ANKRD6: variants seen among roughly 807,000 people sequenced by gnomAD.
The protein encoded by ANKRD6 is ankyrin repeat domain 6, also known as ankyrin repeat domain-containing protein 6.
Under a neutral mutation model 82.3 loss-of-function variants are expected in ANKRD6, and 56 were observed. The ratio of observed to expected loss-of-function variants is 0.68; its 90% CI spans 0.55 to 0.85. The LOEUF (loss-of-function observed/expected upper bound fraction) is 0.85. ANKRD6 is among the 40% of genes least tolerant of loss of function. The pLI is 0.00. For missense variants in ANKRD6, 852 were observed against 907.6 expected (o/e 0.94, Z 0.79); for synonymous variants, 347 against 352.1 (o/e 0.99, Z 0.16).
At chr6:89,548,515 A>G (rs1394885815) in intron 1 of ANKRD6, among the ~76,000 whole-genome samples, 2 of 152,346 alleles carry the variant, frequency 1.3e-5, no homozygotes, top group African/African-American at 4.8e-5. Context: ...TTGTGTGGTC[A>G]TATGTGTTCT....
chr6:89,455,753 T>C (rs1458271814), intron 1 of ANKRD6, among the ~76,000 whole-genome samples: 1 of 152,082 alleles, frequency 6.6e-6, no homozygotes, highest in Non-Finnish European at 1.5e-5. Context: ...GCTATAATTG[T>C]AAGTTTCCTG....
chr6:89,598,293 G>A (rs1796339939), intron 3 of ANKRD6: 1 of 985,180 alleles, frequency 1.0e-6, no homozygotes, highest in African/African-American at 1.7e-5. Flanking sequence ...ATTGGTCAAT[G>A]AGCAATCACA....
intron 3 of ANKRD6, chr6:89,601,763 G>A (rs979403843): frequency 6.6e-6 from 1 of 152,074 alleles, no homozygotes; most frequent in African/African-American, 2.4e-5. Context: ...CAGATTACAT[G>A]TTTTTAATGT....
chr6:89,459,669 T>G (rs1773893857), intron 1 of ANKRD6, among the ~76,000 whole-genome samples: 1 of 152,128 alleles, frequency 6.6e-6, no homozygotes, highest in Non-Finnish European at 1.5e-5. Context: ...GCTCAGCTAA[T>G]TTTAAAAAAT....
intron 1 of ANKRD6, among the ~76,000 whole-genome samples, chr6:89,435,231 TAG>T (rs981038292): frequency 2.6e-5 from 4 of 152,124 alleles, no homozygotes; most frequent in Non-Finnish European, 5.9e-5. Flanking sequence ...GTATAAACCT[TAG>T]AGTGCAATGT....
At chr6:89,524,598 A>G (rs991546593) in intron 1 of ANKRD6, among the ~76,000 whole-genome samples, 2 of 152,192 alleles carry the variant, frequency 1.3e-5, no homozygotes, top group Admixed American at 1.3e-4. Context: ...AATGTGGTGT[A>G]TATACCACAT....
intron 1 of ANKRD6, among the ~76,000 whole-genome samples, chr6:89,440,046 G>A (rs1166128522): frequency 6.6e-6 from 1 of 152,060 alleles, no homozygotes; most frequent in Non-Finnish European, 1.5e-5. Context: ...TGCTCATATT[G>A]GTGTAGTGAA....
At chr6:89,480,225 A>C (rs1297606161) in intron 1 of ANKRD6, among the ~76,000 whole-genome samples, 2 of 152,272 alleles carry the variant, frequency 1.3e-5, no homozygotes, top group Admixed American at 1.3e-4. Context: ...CAAGTGAGCT[A>C]TTTCTGTTCT....
At position 89,573,803 on chromosome 6, in the gene ANKRD6, G is replaced by A. The variant is rs116095225; in HGVS notation, c.120+6707G>A. On this transcript the variant is annotated intron_variant, in intron 2 of 15. Coordinates refer to ENST00000339746, the MANE Select transcript of ANKRD6 (RefSeq NM_001242809.2). Reference sequence around the variant, plus strand: ...GCTGTTGGGAAAGTCAGCTTATAGTGTTCCTTGCAACTGTCTTCTGAAAGG... The same window carrying A: ...GCTGTTGGGAAAGTCAGCTTATAGTATTCCTTGCAACTGTCTTCTGAAAGG... Among the ~76,000 whole-genome samples the A allele has an allele frequency of 2.6e-3, 398 of 152,242 alleles. 6 individuals are homozygous for A. The highest frequency in any genetic ancestry group is 9.1e-3 in the African/African-American group (380 of 41,552).
intron 1 of ANKRD6, among the ~76,000 whole-genome samples, chr6:89,451,813 C>G (rs1190804021): frequency 1.3e-5 from 2 of 152,174 alleles, no homozygotes; most frequent in Non-Finnish European, 2.9e-5. Flanking sequence ...TCCAGGACTT[C>G]TGTGGTTTCT....
intron 1 of ANKRD6, among the ~76,000 whole-genome samples, chr6:89,517,734 A>T (rs180850238): frequency 7.9e-5 from 12 of 152,332 alleles, no homozygotes; most frequent in African/African-American, 2.9e-4. Context: ...AAAAGAGAAA[A>T]CTGTCTTGTC....
chr6:89,622,816 T>C (rs1803988035), intron 10 of ANKRD6, among the ~76,000 whole-genome samples: 1 of 152,130 alleles, frequency 6.6e-6, no homozygotes, highest in African/African-American at 2.4e-5. Flanking sequence ...TATCACCAAG[T>C]ACTTGCTCTT....
intron 1 of ANKRD6, among the ~76,000 whole-genome samples, chr6:89,446,881 T>C (rs987072580): frequency 5.9e-5 from 9 of 152,186 alleles, no homozygotes; most frequent in Non-Finnish European, 1.2e-4. Context: ...CTTTTCCCCC[T>C]TTTGATTGGC....
chr6:89,442,317 T>C (rs1367033841), intron 1 of ANKRD6, among the ~76,000 whole-genome samples: 1 of 151,996 alleles, frequency 6.6e-6, no homozygotes, highest in East Asian at 1.9e-4. Context: ...TTTTATACAT[T>C]TGAGGGAGGC....
chr6:89,503,908 G>C (rs779310956), intron 1 of ANKRD6, among the ~76,000 whole-genome samples: 1 of 152,138 alleles, frequency 6.6e-6, no homozygotes, highest in Non-Finnish European at 1.5e-5. Flanking sequence ...GGTGTGGCCA[G>C]AGCAGAATGA....
At chr6:89,611,173 T>G (rs1268968196) in intron 5 of ANKRD6, among the ~76,000 whole-genome samples, 1 of 93,574 alleles carries the variant, frequency 1.1e-5, no homozygotes, top group Non-Finnish European at 2.2e-5. Flanking sequence ...ATTCCTCTAT[T>G]TTTTTTTTTT....
chr6:89,527,975 A>G (rs1235559941), intron 1 of ANKRD6, among the ~76,000 whole-genome samples: 1 of 152,078 alleles, frequency 6.6e-6, no homozygotes, highest in East Asian at 1.9e-4. Context: ...ATGCCTGGCT[A>G]ATTTTTTAAA....
rs183270987 is a variant in ANKRD6 at position 89,630,410 on chromosome 6, G to A, written c.1613-23G>A. ...TGTGTGAATGTGGATTTGCTCTCAC[G>A]TTTGTTTTCCTTCTGAAACCAGGTG... On this transcript the variant is annotated intron_variant, in intron 15 of 15. Coordinates refer to ENST00000339746, the MANE Select transcript of ANKRD6 (RefSeq NM_001242809.2). 7.7e-5 allele frequency: 123 copies of A among 1,594,012 alleles called. 1 individual carries two copies. The African/African-American group carries it at 1.2e-3, about 16-fold the overall frequency.
At chr6:89,543,424 T>C (rs376184959) in intron 1 of ANKRD6, among the ~76,000 whole-genome samples, 1 of 152,146 alleles carries the variant, frequency 6.6e-6, no homozygotes, top group Non-Finnish European at 1.5e-5. Flanking sequence ...GAAACCGACA[T>C]GGCCACAGCT....
Sources: allele counts gnomAD v4.1 joint callset (sites outside exome capture counted in the v4.1 genomes callset), GRCh38; gene constraint gnomAD v4.1.1; transcripts MANE v1.5; gene names NCBI Gene and HGNC (gene_info 2026-07-23, HGNC 2026-07-21).